Variants in NEDD4 observed in about 807,000 individuals in gnomAD.
NEDD4 encodes NEDD4 E3 ubiquitin protein ligase.
NEDD4 carries 99 observed loss-of-function variants against 144.9 expected under a neutral mutation model. The observed-to-expected ratio is 0.68, with a 90% CI of 0.58 to 0.81. The LOEUF is 0.81. NEDD4 is among the 30% of genes least tolerant of loss of function. NEDD4 has a pLI of 0.00. For missense variants in NEDD4, 985 were observed against 1,065.9 expected, an observed-to-expected ratio of 0.92 and a Z score of 1.06; for synonymous variants, 318 against 350.6, an observed-to-expected ratio of 0.91 and a Z score of 1.04.
intron 5 of NEDD4, among the ~76,000 whole-genome samples, chr15:55,910,307 C>G (rs1446399134): frequency 6.6e-6 from 1 of 152,118 alleles, no homozygotes; most frequent in African/African-American, 2.4e-5. Flanking sequence ...CCCGCATTCT[C>G]CTGAGCCTAC....
At chr15:55,872,901 G>A (rs1318112797) in intron 6 of NEDD4, among the ~76,000 whole-genome samples, 1 of 150,432 alleles carries the variant, frequency 6.6e-6, no homozygotes, top group Non-Finnish European at 1.5e-5. Flanking sequence ...GAAAGCTTAT[G>A]GTCCTGCACC....
intron 4 of NEDD4, among the ~76,000 whole-genome samples, chr15:55,933,231 G>A (rs1438838339): frequency 2.6e-5 from 4 of 151,938 alleles, no homozygotes; most frequent in Non-Finnish European, 4.4e-5. Flanking sequence ...ACATGCACAC[G>A]TATGTTTATT....
At chr15:55,924,102 C>T (rs2142232752) in intron 5 of NEDD4, among the ~76,000 whole-genome samples, 1 of 152,220 alleles carries the variant, frequency 6.6e-6, no homozygotes, top group Non-Finnish European at 1.5e-5. Flanking sequence ...AAAAGAACAT[C>T]AGGTTTAACT....
intron 4 of NEDD4, among the ~76,000 whole-genome samples, chr15:55,932,472 A>G (rs1488954141): frequency 6.6e-6 from 1 of 152,224 alleles, no homozygotes; most frequent in African/African-American, 2.4e-5. Flanking sequence ...CCATAGGTAG[A>G]AAGCTGAAAC....
intron 11 of NEDD4, among the ~76,000 whole-genome samples, chr15:55,857,031 A>G (rs1482654561): frequency 1.3e-5 from 2 of 152,178 alleles, no homozygotes; most frequent in African/African-American, 4.8e-5. Flanking sequence ...TGACTGTTTT[A>G]GTTGGTTTTT....
chr15:55,975,501 G>T (rs1447299672), intron 1 of NEDD4, among the ~76,000 whole-genome samples: 1 of 151,764 alleles, frequency 6.6e-6, no homozygotes, highest in Non-Finnish European at 1.5e-5. Context: ...ATCTGAAAAA[G>T]AAATCAAGAA....
chr15:55,908,932 T>A (rs1458523564), intron 5 of NEDD4, among the ~76,000 whole-genome samples: 12 of 152,212 alleles, frequency 7.9e-5, no homozygotes, highest in Admixed American at 7.9e-4. Context: ...AATATTATTT[T>A]AGGTATATCT....
intron 5 of NEDD4, 174 bp downstream of exon 5, chr15:55,924,472 C>T (rs2036625913): frequency 3.5e-6 from 2 of 574,584 alleles, no homozygotes; most frequent in Non-Finnish European, 6.2e-6. Flanking sequence ...GGAAAGGGAG[C>T]GAGTAGGACC....
At chr15:55,964,689 GCTGGTGT>G (rs2037482312) in intron 2 of NEDD4, among the ~76,000 whole-genome samples, 1 of 103,962 alleles carries the variant, frequency 9.6e-6, no homozygotes, top group Admixed American at 1.3e-4. Flanking sequence ...GAATTTTGCT[GCTGGTGT>G]GTGTGTGTGT....
chr15:55,921,277 A>G (rs2036564103), intron 5 of NEDD4, among the ~76,000 whole-genome samples: 2 of 152,130 alleles, frequency 1.3e-5, no homozygotes, highest in South Asian at 4.1e-4. Flanking sequence ...AAAGAAAGGC[A>G]GGATTATAAT....
At chr15:55,831,465 C>A (rs1331973379) in intron 27 of NEDD4, among the ~76,000 whole-genome samples, 1 of 152,076 alleles carries the variant, frequency 6.6e-6, no homozygotes, top group Non-Finnish European at 1.5e-5. Flanking sequence ...CGGAAAGGGG[C>A]ATTTGTTTGC....
intron 1 of NEDD4, among the ~76,000 whole-genome samples, chr15:55,976,067 G>C (rs1316348744): frequency 6.6e-6 from 1 of 152,132 alleles, no homozygotes; most frequent in Non-Finnish European, 1.5e-5. Context: ...TGGGAAAACT[G>C]GATATCCATA....
At chr15:55,914,388 AC>A (rs1418450873) in intron 5 of NEDD4, among the ~76,000 whole-genome samples, 2 of 151,892 alleles carry the variant, frequency 1.3e-5, no homozygotes, top group Non-Finnish European at 2.9e-5. Flanking sequence ...TTCAGTTCAA[AC>A]CATTTTAAAT....
chr15:55,915,838 T>C, intron 5 of NEDD4: 2 of 1,613,912 alleles, frequency 1.2e-6, no homozygotes, highest in Non-Finnish European at 1.7e-6. Context: ...GGGGTACAAA[T>C]TGTTTTAGAT....
intron 4 of NEDD4, among the ~76,000 whole-genome samples, chr15:55,941,554 C>A (rs2037004750): frequency 6.6e-6 from 1 of 151,486 alleles, no homozygotes; most frequent in Admixed American, 6.6e-5. Flanking sequence ...AGAGAACATA[C>A]CCTGTTAAAT....
At chr15:55,934,184 A>G (rs1269218645) in intron 4 of NEDD4, among the ~76,000 whole-genome samples, 1 of 152,140 alleles carries the variant, frequency 6.6e-6, no homozygotes, top group Non-Finnish European at 1.5e-5. Flanking sequence ...AATTTAAAAA[A>G]ATTACCCAGT....
intron 2 of NEDD4, among the ~76,000 whole-genome samples, chr15:55,965,297 A>T (rs1219591990): frequency 6.6e-6 from 1 of 151,734 alleles, no homozygotes; most frequent in Non-Finnish European, 1.5e-5. Context: ...AACCACCCAG[A>T]CTCAAGCAAT....
chr15:55,872,340 T>C (rs747688203), intron 7 of NEDD4, 75 bp downstream of exon 7: 13 of 499,556 alleles, frequency 2.6e-5, no homozygotes, highest in Non-Finnish European at 4.4e-5. Context: ...ACCCTGAATT[T>C]CTAATAAGGC....
intron 7 of NEDD4, among the ~76,000 whole-genome samples, chr15:55,870,437 A>G (rs1431785325): frequency 1.3e-5 from 2 of 151,832 alleles, no homozygotes; most frequent in Non-Finnish European, 2.9e-5. Context: ...GTCTAAGCTA[A>G]AGGCTGCTGC....
Sources: allele counts gnomAD v4.1 joint callset (sites outside exome capture counted in the v4.1 genomes callset), GRCh38; gene constraint gnomAD v4.1.1; transcripts MANE v1.5; gene names NCBI Gene and HGNC (gene_info 2026-07-23, HGNC 2026-07-21).